The following FBXO15 variants were observed in gnomAD, a reference collection of about 807,000 sequenced individuals.
FBXO15 encodes F-box only protein 15.
In FBXO15, 30 loss-of-function variants were observed where a neutral mutation model predicts 49.5. That is an observed-to-expected ratio of 0.61 (90% CI 0.45 to 0.82). The LOEUF is 0.82. FBXO15 is among the 40% of genes least tolerant of loss of function. FBXO15 has a pLI of 0.00. For missense variants in FBXO15, 591 were observed against 631.5 expected, an observed-to-expected ratio of 0.94 and a Z score of 0.69; for synonymous variants, 250 against 232.7, an observed-to-expected ratio of 1.07 and a Z score of -0.68.
chr18:74,097,176 A>G (rs1200393592), intron 8 of FBXO15: 1 of 152,330 alleles, frequency 6.6e-6, no homozygotes, highest in Admixed American at 6.5e-5. Context: ...GACCAAAAGG[A>G]AAAGGAAACC....
chr18:74,087,845 T>C (rs1206871463), intron 8 of FBXO15, among the ~76,000 whole-genome samples: 2 of 152,196 alleles, frequency 1.3e-5, no homozygotes, highest in Admixed American at 1.3e-4. Context: ...TGTATAAGTG[T>C]TCCCTTTTCT....
At chr18:74,143,481 A>G (rs1286787649) in intron 1 of FBXO15, among the ~76,000 whole-genome samples, 1 of 152,226 alleles carries the variant, frequency 6.6e-6, no homozygotes, top group African/African-American at 2.4e-5. Context: ...CAAATCTGAT[A>G]TTGGAATCCA....
chr18:74,129,437 A>G lies in FBXO15; in HGVS notation c.753T>C (p.Phe251=). Residue 251 remains phenylalanine (F), a synonymous_variant, in exon 5 of 10, where the codon TTT becomes TTC. Transcript: ENST00000419743. ...TLDLCGMTPV[F]TDWYKTPTKH... ...TGGTGGGAGTTTTATACCAGTCGGT[A>G]AAAACTGGTGTCATGCCACATAAAT... 6.2e-7 allele frequency: 1 copy of G among 1,613,994 alleles called. No homozygotes were observed. Among genetic ancestry groups the G allele is most frequent in the African/African-American group, 1.3e-5 (1 of 75,054 alleles).
At chr18:74,139,257 T>C (rs1169420784) in intron 2 of FBXO15, among the ~76,000 whole-genome samples, 1 of 152,204 alleles carries the variant, frequency 6.6e-6, no homozygotes, top group Non-Finnish European at 1.5e-5. Context: ...CCCCGACTAA[T>C]CATCAGCTTC....
rs139206719 is a variant in FBXO15 at position 74,130,354 on chromosome 18, C to T, written c.575+62G>A. ...TCCCACACAATCTAAACTGCACATA[C>T]GTCCTACGTACACGATACTTTGAGC... On this transcript the variant is annotated intron_variant, in intron 4 of 9. Coordinates refer to ENST00000419743, the MANE Select transcript of FBXO15 (RefSeq NM_001142958.2). 1,042 of 1,589,382 alleles carry T rather than the reference C, an allele frequency of 6.6e-4. 6 individuals are homozygous for T. The African/African-American group carries it at 0.013, about 19-fold the overall frequency.
intron 8 of FBXO15, among the ~76,000 whole-genome samples, chr18:74,086,521 T>C (rs1912745167): frequency 1.3e-5 from 2 of 152,130 alleles, no homozygotes; most frequent in Non-Finnish European, 2.9e-5. Flanking sequence ...CTCTGCCTCC[T>C]GGGTTCAGCC....
intron 9 of FBXO15, among the ~76,000 whole-genome samples, chr18:74,081,222 G>A (rs745587595): frequency 1.7e-4 from 26 of 152,182 alleles, no homozygotes; most frequent in Non-Finnish European, 3.1e-4. Context: ...GCATAGCGCC[G>A]TATAAAGCCA....
chr18:74,098,967 A>T (rs1331409504), intron 8 of FBXO15: 1 of 152,376 alleles, frequency 6.6e-6, no homozygotes, highest in Non-Finnish European at 1.5e-5. Flanking sequence ...TATACTAAAA[A>T]TACAAAAATT....
chr18:74,095,466 A>C (rs1209584828), intron 8 of FBXO15, among the ~76,000 whole-genome samples: 1 of 152,146 alleles, frequency 6.6e-6, no homozygotes, highest in Admixed American at 6.5e-5. Flanking sequence ...TTTACCAGGG[A>C]ATAGAAAGGC....
chr18:74,079,581 T>C (rs1368314330), intron 9 of FBXO15, among the ~76,000 whole-genome samples: 1 of 150,430 alleles, frequency 6.6e-6, no homozygotes, highest in Non-Finnish European at 1.5e-5. Flanking sequence ...ATTATTGTAA[T>C]AATTATCAGT....
chr18:74,119,802 G>C lies in FBXO15; in HGVS notation c.1138+3566C>G, dbSNP rs775044349. ...GGATGGCAGCAGTGTGGGCTGAGGT[G>C]GGGGAGGCAGAGTGGGGACACACAG... On this transcript the variant is annotated intron_variant, in intron 8 of 9. Transcript: ENST00000419743. Among the ~76,000 whole-genome samples, 14 of 152,290 alleles carry C rather than the reference G, an allele frequency of 9.2e-5. No homozygotes were observed. In the South Asian group the frequency reaches 1.2e-3, roughly 14 times the overall value.
intron 8 of FBXO15, among the ~76,000 whole-genome samples, chr18:74,119,529 G>A (rs1019117821): frequency 6.6e-6 from 1 of 152,192 alleles, no homozygotes; most frequent in Non-Finnish European, 1.5e-5. Flanking sequence ...GAAATGGGGA[G>A]AGTGAGGGCT....
chr18:74,123,196 G>A (rs1397018534), intron 8 of FBXO15, 172 bp downstream of exon 8: 4 of 625,636 alleles, frequency 6.4e-6, no homozygotes, highest in African/African-American at 3.8e-5. Flanking sequence ...GAAGAGACTC[G>A]GTCCAGTGAG....
intron 8 of FBXO15, among the ~76,000 whole-genome samples, chr18:74,093,446 C>T (rs73474855): frequency 0.012 from 1,839 of 152,222 alleles, 40 homozygotes; most frequent in African/African-American, 0.042. Flanking sequence ...ATTTGGGCTT[C>T]CAAGGCAGCA....
intron 8 of FBXO15, among the ~76,000 whole-genome samples, chr18:74,114,848 A>T (rs1914161472): frequency 6.6e-6 from 1 of 152,200 alleles, no homozygotes; most frequent in Non-Finnish European, 1.5e-5. Flanking sequence ...CAAAGAAAGG[A>T]CACTTCCCAG....
At chr18:74,146,096 A>T (rs1979394518) in intron 1 of FBXO15, among the ~76,000 whole-genome samples, 1 of 152,180 alleles carries the variant, frequency 6.6e-6, no homozygotes, top group African/African-American at 2.4e-5. Flanking sequence ...TATTTTAAAA[A>T]CCTAATGACT....
At chr18:74,080,632 A>G (rs1342082268) in intron 9 of FBXO15, among the ~76,000 whole-genome samples, 1 of 152,224 alleles carries the variant, frequency 6.6e-6, no homozygotes, top group Non-Finnish European at 1.5e-5. Flanking sequence ...GAGAACTTCT[A>G]TGAGAAATCT....
intron 8 of FBXO15, chr18:74,122,579 G>C (rs1050838497): frequency 6.6e-6 from 1 of 152,140 alleles, no homozygotes; most frequent in Admixed American, 6.5e-5. Context: ...AAAGACTTTG[G>C]AGGACCAGGA....
intron 8 of FBXO15, among the ~76,000 whole-genome samples, chr18:74,089,962 A>G (rs755298393): frequency 2.0e-5 from 3 of 152,110 alleles, no homozygotes; most frequent in African/African-American, 7.2e-5. Flanking sequence ...CCTCCACCTC[A>G]ATTTTTTGGA....
Sources: gnomAD v4.1 joint callset for allele counts (sites outside exome capture counted in the v4.1 genomes callset) on GRCh38, gnomAD v4.1.1 for gene constraint, MANE v1.5 for transcripts, NCBI Gene and HGNC (gene_info 2026-07-23, HGNC 2026-07-21) for gene names.